The following PHACTR1 variants were observed in gnomAD, a reference collection of about 807,000 sequenced individuals.
PHACTR1 encodes the protein RPEL repeat containing 1.
PHACTR1 carries 16 observed loss-of-function variants against 69.2 expected under a neutral mutation model. That is an observed-to-expected ratio of 0.23 (90% CI 0.16 to 0.35). The LOEUF is 0.35. PHACTR1 is among the 10% of genes least tolerant of loss of function. PHACTR1 has a pLI of 1.00. For synonymous variants in PHACTR1, 312 were observed against 284.5 expected, an observed-to-expected ratio of 1.10 and a Z score of -0.97; for missense variants, 510 against 734.7, an observed-to-expected ratio of 0.69 and a Z score of 3.54.
intron 6 of PHACTR1, among the ~76,000 whole-genome samples, chr6:13,173,778 G>A (rs565720376): frequency 3.9e-4 from 60 of 152,244 alleles, no homozygotes; most frequent in African/African-American, 1.3e-3. Context: ...GCGCAATCTC[G>A]GCTCACTGCA....
intron 5 of PHACTR1, among the ~76,000 whole-genome samples, chr6:13,131,990 C>G (rs1351597579): frequency 6.6e-6 from 1 of 152,120 alleles, no homozygotes; most frequent in Non-Finnish European, 1.5e-5. Flanking sequence ...TTCCAAGAAC[C>G]ACTGTAAGTA....
intron 10 of PHACTR1, among the ~76,000 whole-genome samples, chr6:13,262,212 T>G (rs895124338): frequency 6.6e-6 from 1 of 152,088 alleles, no homozygotes; most frequent in African/African-American, 2.4e-5. Context: ...GGTGGTTGAT[T>G]GGCCATCAAG....
intron 4 of PHACTR1, among the ~76,000 whole-genome samples, chr6:12,750,999 T>C (rs997711): frequency 0.53 from 80,779 of 151,880 alleles, 22,696 homozygotes; most frequent in African/African-American, 0.7. Flanking sequence ...TGTGTGCGCG[T>C]GCGTGCGCGT....
At chr6:12,972,348 C>A (rs902716348) in intron 4 of PHACTR1, among the ~76,000 whole-genome samples, 1 of 152,140 alleles carries the variant, frequency 6.6e-6, no homozygotes, top group Non-Finnish European at 1.5e-5. Context: ...TGGTAGATTG[C>A]CCAGCATTAA....
intron 4 of PHACTR1, among the ~76,000 whole-genome samples, chr6:12,819,973 G>A (rs535121982): frequency 1.3e-5 from 2 of 152,168 alleles, no homozygotes; most frequent in Non-Finnish European, 2.9e-5. Flanking sequence ...GCCTAAATAC[G>A]TAGCAACTCA....
rs191770303 is a variant in PHACTR1, at chr6:13,232,380, G to A, written c.1391+2187G>A. ...TAATGGTACAGGGCTTTGTAAAATG[G>A]TCAACACTGATGGATGATTGGACGT... On this transcript the variant is annotated intron_variant, in intron 10 of 14. Coordinates refer to ENST00000332995, the MANE Select transcript of PHACTR1 (RefSeq NM_030948.6). 4.4e-3 allele frequency among the ~76,000 whole-genome samples: 671 copies of A among 152,264 alleles called. 11 individuals carry two copies. Among genetic ancestry groups the A allele is most frequent in the Admixed American group, 0.035 (541 of 15,286 alleles).
chr6:13,007,530 C>T (rs575455951), intron 4 of PHACTR1, among the ~76,000 whole-genome samples: 53 of 152,180 alleles, frequency 3.5e-4, no homozygotes, highest in African/African-American at 1.2e-3. Flanking sequence ...TGGATATTAG[C>T]GATACAGGCT....
At chr6:13,119,163 G>GGT (rs1379816939) in intron 5 of PHACTR1, among the ~76,000 whole-genome samples, 3 of 152,052 alleles carry the variant, frequency 2.0e-5, no homozygotes, top group South Asian at 2.1e-4. Context: ...TTTCTCACAT[G>GGT]GTGGAAGATA....
intron 8 of PHACTR1, among the ~76,000 whole-genome samples, chr6:13,216,744 A>T (rs1172859513): frequency 6.6e-6 from 1 of 152,182 alleles, no homozygotes; most frequent in East Asian, 1.9e-4. Flanking sequence ...TTCAGATTTA[A>T]CTGCTATTCC....
intron 4 of PHACTR1, among the ~76,000 whole-genome samples, chr6:12,968,326 C>A (rs745756935): frequency 5.9e-5 from 9 of 152,306 alleles, no homozygotes; most frequent in Admixed American, 1.3e-4. Context: ...GCTATTGACT[C>A]CAGGAAAAGG....
At chr6:13,102,331 G>A (rs531617615) in intron 5 of PHACTR1, among the ~76,000 whole-genome samples, 8 of 152,202 alleles carry the variant, frequency 5.3e-5, no homozygotes, top group South Asian at 2.1e-4. Flanking sequence ...TCTTTGGCTC[G>A]GAGTAAGGGA....
At chr6:13,284,925 AAC>A (rs1781333702) in intron 13 of PHACTR1, among the ~76,000 whole-genome samples, 1 of 152,178 alleles carries the variant, frequency 6.6e-6, no homozygotes, top group Non-Finnish European at 1.5e-5. Context: ...CTCCTCTGTA[AAC>A]ACAGCATTCA....
intron 6 of PHACTR1, among the ~76,000 whole-genome samples, chr6:13,162,034 CT>C (rs1210300921): frequency 1.3e-5 from 2 of 152,168 alleles, no homozygotes; most frequent in Admixed American, 6.5e-5. Flanking sequence ...AGAATCCATA[CT>C]TTTCTTGCAT....
At chr6:12,974,644 T>C (rs1794647280) in intron 4 of PHACTR1, among the ~76,000 whole-genome samples, 1 of 152,218 alleles carries the variant, frequency 6.6e-6, no homozygotes, top group African/African-American at 2.4e-5. Flanking sequence ...GACAACTCAA[T>C]TGCGGTGCCT....
chr6:13,018,322 T>A (rs1200934541), intron 4 of PHACTR1, among the ~76,000 whole-genome samples: 1 of 152,148 alleles, frequency 6.6e-6, no homozygotes, highest in African/African-American at 2.4e-5. Context: ...GGGAAGCAGT[T>A]TTCAATTGGG....
intron 4 of PHACTR1, among the ~76,000 whole-genome samples, chr6:13,046,529 C>A (rs1805081752): frequency 6.6e-6 from 1 of 152,168 alleles, no homozygotes; most frequent in Non-Finnish European, 1.5e-5. Flanking sequence ...TCCTCGTACT[C>A]ACCGATGTTA....
chr6:12,903,239 T>C (rs925582659), intron 4 of PHACTR1, among the ~76,000 whole-genome samples: 3 of 152,074 alleles, frequency 2.0e-5, no homozygotes, highest in African/African-American at 7.2e-5. Flanking sequence ...TGAATAAGGA[T>C]AAGGAAAGCA....
intron 4 of PHACTR1, among the ~76,000 whole-genome samples, chr6:12,911,389 A>G (rs1391230487): frequency 1.3e-5 from 2 of 152,200 alleles, no homozygotes; most frequent in Non-Finnish European, 2.9e-5. Context: ...ATCACACCAT[A>G]TCTTACTTTG....
intron 5 of PHACTR1, among the ~76,000 whole-genome samples, chr6:13,147,524 G>A (rs746329645): frequency 4.6e-5 from 7 of 152,116 alleles, no homozygotes; most frequent in East Asian, 1.9e-4. Flanking sequence ...TCAAGTTTCC[G>A]TCTTGCTCTC....
Sources: allele counts gnomAD v4.1 joint callset (sites outside exome capture counted in the v4.1 genomes callset), GRCh38; gene constraint gnomAD v4.1.1; transcripts MANE v1.5; gene names NCBI Gene and HGNC (gene_info 2026-07-23, HGNC 2026-07-21).